The following RAPGEF2 variants were observed in gnomAD, a reference collection of about 807,000 sequenced individuals.
The protein encoded by RAPGEF2 is Rap guanine nucleotide exchange factor 2, also known as PDZ domain containing guanine nucleotide exchange factor (GEF) 1.
Under a neutral mutation model 186.7 loss-of-function variants are expected in RAPGEF2, and 54 were observed. That is an observed-to-expected ratio of 0.29 (90% CI 0.23 to 0.36). RAPGEF2 has a LOEUF of 0.36. Ranked by LOEUF, RAPGEF2 falls within the 10% of genes least tolerant of loss-of-function variation. The pLI is 1.00. For missense variants in RAPGEF2, 1,532 were observed against 2,045.0 expected (o/e 0.75, Z 4.84); for synonymous variants, 712 against 705.9 (o/e 1.01, Z -0.14).
At chr4:159,347,074 C>G in intron 25 of RAPGEF2, 76 bp downstream of exon 25, 7 of 1,319,172 alleles carry the variant, frequency 5.3e-6, no homozygotes, top group African/African-American at 1.5e-5. Flanking sequence ...AAATATTTGT[C>G]TTGGATAACT....
chr4:159,243,741 C>A (rs1173529421), intron 6 of RAPGEF2, 33 bp from the exon 7 acceptor site: 1 of 1,259,414 alleles, frequency 7.9e-7, no homozygotes, highest in Non-Finnish European at 1.0e-6. Context: ...TTCCTTTCCT[C>A]CTTTATGGCA....
intron 26 of RAPGEF2, among the ~76,000 whole-genome samples, chr4:159,352,279 C>G (rs1731303397): frequency 6.6e-6 from 1 of 152,118 alleles, no homozygotes; most frequent in African/African-American, 2.4e-5. Context: ...CATACAAGTT[C>G]TAAAAATTGA....
chr4:159,128,981 T>A (rs1740705272), intron 1 of RAPGEF2: 3 of 148,204 alleles, frequency 2.0e-5, no homozygotes, highest in Admixed American at 2.0e-4. Context: ...TTAAGTATAT[T>A]TTTTGGAATA....
Position 159,103,753 on chromosome 4 carries a change from C to T in RAPGEF2, c.-410C>T, listed in dbSNP as rs1420762529. 6.6e-6 allele frequency: 1 copy of T among 152,536 alleles called. No individual in the cohort carries two copies. The allele number at this position is 152,536 out of a possible 1,614,324, so 9.4% of individuals were successfully genotyped here. A position where few individuals can be genotyped will look rare whatever the true frequency, so the allele number is the denominator to read the frequency against. Reference sequence around the variant, plus strand: ...ACAGCCCTCCCCACTGCCACTCGTACCTCCCTAAAAATAACTCGGGCCCGC... The same window carrying T: ...ACAGCCCTCCCCACTGCCACTCGTATCTCCCTAAAAATAACTCGGGCCCGC... On this transcript the variant is annotated 5_prime_UTR_variant, in exon 1 of 30. Transcript: ENST00000691494.
At chr4:159,201,914 G>T (rs1749455639) in intron 3 of RAPGEF2, among the ~76,000 whole-genome samples, 1 of 152,122 alleles carries the variant, frequency 6.6e-6, no homozygotes, top group South Asian at 2.1e-4. Context: ...GTGATCAATA[G>T]CCCTCGATGA....
At chr4:159,144,349 A>G (rs769232241) in intron 1 of RAPGEF2, among the ~76,000 whole-genome samples, 1 of 152,166 alleles carries the variant, frequency 6.6e-6, no homozygotes, top group Non-Finnish European at 1.5e-5. Flanking sequence ...CATTTGATCT[A>G]GTCCCTTAGT....
intron 7 of RAPGEF2, among the ~76,000 whole-genome samples, chr4:159,303,549 T>G (rs1446555356): frequency 6.6e-6 from 1 of 152,118 alleles, no homozygotes; most frequent in Non-Finnish European, 1.5e-5. Context: ...TCTAAGATTC[T>G]TAAGAACCTT....
In RAPGEF2 at chr4:159,330,157, T is replaced by C. The variant is rs372690191; in HGVS notation, c.1302+147T>C. On this transcript the variant is annotated intron_variant, in intron 12 of 29. Transcript: ENST00000691494. The stretch of plus-strand genomic sequence containing the variant: ...TCTTTATGTATGATCTCCTAGTGAA[T>C]AGCAGTTTCATTAATTGTTAACTGT... The C allele has an allele frequency of 6.2e-5, 54 of 872,042 alleles. 1 individual carries two copies. The highest frequency in any genetic ancestry group is 5.8e-4 in the East Asian group (22 of 38,216). The allele number at this position is 872,042 out of a possible 1,614,324, so 54.0% of individuals were successfully genotyped here.
intron 7 of RAPGEF2, among the ~76,000 whole-genome samples, chr4:159,278,830 T>C (rs1386452567): frequency 6.6e-6 from 1 of 152,200 alleles, no homozygotes; most frequent in Non-Finnish European, 1.5e-5. Flanking sequence ...ACCTATAAAG[T>C]ACTTAGAATA....
chr4:159,323,720 A>AT (rs33969988), intron 11 of RAPGEF2, 103 bp downstream of exon 11: 171,280 of 482,964 alleles, frequency 0.35, 14,428 homozygotes, highest in African/African-American at 0.38. Context: ...CTTACAAATA[A>AT]TTTTTTTTTT....
At chr4:159,341,370 A>C (rs964180168) in intron 19 of RAPGEF2, among the ~76,000 whole-genome samples, 194 bp from the exon 20 acceptor site, 2 of 152,218 alleles carry the variant, frequency 1.3e-5, no homozygotes, top group South Asian at 2.1e-4. Context: ...TCTACCACCT[A>C]CTTCTGGATA....
intron 7 of RAPGEF2, among the ~76,000 whole-genome samples, chr4:159,270,577 A>G (rs773135900): frequency 7.2e-5 from 11 of 152,138 alleles, no homozygotes; most frequent in African/African-American, 1.4e-4. Flanking sequence ...ATTAGGCACA[A>G]ATAGTAAGCT....
chr4:159,331,405 CT>C (rs1561293713), intron 13 of RAPGEF2, 25 bp from the exon 14 acceptor site: 1 of 1,456,396 alleles, frequency 6.9e-7, no homozygotes, highest in South Asian at 1.3e-5. Flanking sequence ...AAAAAGGAAA[CT>C]TATTGAAAAT....
intron 1 of RAPGEF2, among the ~76,000 whole-genome samples, chr4:159,153,205 G>A (rs1428150499): frequency 6.6e-6 from 1 of 152,182 alleles, no homozygotes; most frequent in Admixed American, 6.5e-5. Context: ...TTTGGAACTG[G>A]ATTAGATGCA....
At chr4:159,198,180 C>T (rs1579438177) in intron 3 of RAPGEF2, among the ~76,000 whole-genome samples, 1 of 148,662 alleles carries the variant, frequency 6.7e-6, no homozygotes, top group African/African-American at 2.5e-5. Flanking sequence ...TTTTTATAGC[C>T]CCCCACCCCT....
At chr4:159,186,614 A>G (rs1205146975) in intron 1 of RAPGEF2, 28 bp from the exon 2 acceptor site, 3 of 1,258,590 alleles carry the variant, frequency 2.4e-6, no homozygotes, top group Non-Finnish European at 3.2e-6. Context: ...GACAGGTCTA[A>G]TAATTTCTAT....
chr4:159,347,728 G>C (rs1561328578), intron 25 of RAPGEF2, among the ~76,000 whole-genome samples: 1 of 152,220 alleles, frequency 6.6e-6, no homozygotes, highest in Non-Finnish European at 1.5e-5. Flanking sequence ...AGCTTGCAGT[G>C]AGCCTAGATC....
At position 159,353,592 on chromosome 4, in the gene RAPGEF2, A is replaced by G; in HGVS notation, c.4197A>G (p.Ser1399=). Residue 1399 remains serine (S), a synonymous_variant, in exon 28 of 30, where the codon TCA becomes TCG. Coordinates refer to ENST00000691494, the MANE Select transcript of RAPGEF2 (RefSeq NM_001394067.2). The surrounding 1 kb of genome is among the most constrained non-coding windows in gnomAD (Gnocchi z 4.3). ...CCCAGGATCAGGGGGATCGCGCGTC[A>G]CTTGATGCTGCTGACAGTGGCCGTG... is the stretch of plus-strand genomic sequence containing the variant. ...ELSQDQGDRA[S]LDAADSGRGS... 6.3e-7 allele frequency: 1 copy of G among 1,593,730 alleles called. No individual in the cohort carries two copies. The highest frequency in any genetic ancestry group is 8.5e-7 in the Non-Finnish European group (1 of 1,172,134).
rs962931388 is a variant in RAPGEF2 at position 159,241,330 on chromosome 4, C to G, written c.487C>G (p.Pro163Ala). The G allele has an allele frequency of 1.8e-5, 28 of 1,522,020 alleles. No homozygotes were observed. The highest frequency in any genetic ancestry group is 2.4e-5 in the Non-Finnish European group (27 of 1,138,436). 94.3% of individuals were successfully genotyped at this position (1,522,020 alleles called of 1,614,324 possible). ...AATTATTGACACTGTGGATCCTTAT[C>G]CCATGGGCAAACCTCCTTTGCCTAG... ...QTIIDTVDPY[P>A]MGKPPLPRGY... Residue 163 changes from proline (P) to alanine (A), a missense_variant, in exon 6 of 30, where the codon CCC (proline) becomes GCC (alanine). Pro to Ala is a conservative substitution (Grantham distance 27, BLOSUM62 -1). Around this residue, in one of 4 missense-constraint regions of RAPGEF2, gnomAD observed 810 missense variants for 1,210.5 expected, o/e 0.67. Coordinates refer to ENST00000691494, the MANE Select transcript of RAPGEF2 (RefSeq NM_001394067.2).
Sources: allele counts gnomAD v4.1 joint callset (sites outside exome capture counted in the v4.1 genomes callset), GRCh38; gene constraint gnomAD v4.1.1; regional missense constraint gnomAD v4.1.1; non-coding constraint Gnocchi (gnomAD v3.1); transcripts MANE v1.5; gene names NCBI Gene and HGNC (gene_info 2026-07-23, HGNC 2026-07-21).